Variants in NTNG2 observed in about 807,000 individuals in gnomAD.
NTNG2 encodes netrin G2.
NTNG2 carries 15 observed loss-of-function variants against 47.6 expected under a neutral mutation model. The observed-to-expected ratio is 0.32, with a 90% CI of 0.21 to 0.49. The LOEUF is 0.49. Among genes scored for constraint, NTNG2 ranks in the 20% least tolerant of loss-of-function variants. The pLI is 0.99. For synonymous variants in NTNG2, 307 were observed against 324.6 expected (o/e 0.95, Z 0.58); for missense variants, 578 against 764.6 (o/e 0.76, Z 2.88).
chr9:132,221,719 G>A lies in NTNG2; in HGVS notation c.858-5130G>A, dbSNP rs1271785896. Among the ~76,000 whole-genome samples, 2 of 152,196 alleles carry A rather than the reference G, an allele frequency of 1.3e-5. No homozygotes were observed. Among genetic ancestry groups the A allele is most frequent in the African/African-American group, 4.8e-5 (2 of 41,436 alleles). Reference sequence around the variant, plus strand: ...AGCCTGGGCAGAGCCAGCTGGGGAGGGACGTCTGGATTTGGGTCAGGAGAA... The same window carrying A: ...AGCCTGGGCAGAGCCAGCTGGGGAGAGACGTCTGGATTTGGGTCAGGAGAA... On this transcript the variant is annotated intron_variant, in intron 3 of 7. Coordinates refer to ENST00000393229, the MANE Select transcript of NTNG2 (RefSeq NM_032536.4). The surrounding 1 kb of genome is among the most constrained non-coding windows in gnomAD (Gnocchi z 4.2).
In NTNG2 at chr9:132,169,702, T is replaced by C. The variant is rs1326124698; in HGVS notation, c.213+2658T>C. On this transcript the variant is annotated intron_variant, in intron 2 of 7. Coordinates refer to ENST00000393229, the MANE Select transcript of NTNG2 (RefSeq NM_032536.4). ...CAGTAGAAACCATAATGTAGGAGTG[T>C]CACGGTGCTGGCGGGACGGCACAGC... Among the ~76,000 whole-genome samples the C allele has an allele frequency of 2.0e-5, 3 of 152,198 alleles. No homozygotes were observed. The East Asian group carries it at 5.8e-4, about 29-fold the overall frequency.
chr9:132,228,510 T>C (rs1019418264), intron 4 of NTNG2, among the ~76,000 whole-genome samples: 2 of 151,026 alleles, frequency 1.3e-5, no homozygotes, highest in African/African-American at 2.4e-5. Context: ...TGAGGGCCGC[T>C]CTCTCTTCCC....
chr9:132,201,920 T>G (rs1018361975), intron 3 of NTNG2, among the ~76,000 whole-genome samples: 13 of 152,086 alleles, frequency 8.5e-5, no homozygotes. Context: ...TGTTTTCAGA[T>G]GAAGAAGCCA....
rs1840765431 is a variant in NTNG2, at chr9:132,226,476, A to T, written c.858-373A>T. On this transcript the variant is annotated intron_variant, in intron 3 of 7. Transcript: ENST00000393229. This position sits in a 1 kb window ranked among gnomAD's most constrained non-coding sequence, Gnocchi z 4.8. Reference sequence around the variant, plus strand: ...CCAGGTGCTGGCAGCAGCCTCTGTCACCCATCAACCCACATCAGTCAAAGG... The same window carrying T: ...CCAGGTGCTGGCAGCAGCCTCTGTCTCCCATCAACCCACATCAGTCAAAGG... 6.6e-6 allele frequency among the ~76,000 whole-genome samples: 1 copy of T among 152,160 alleles called. No individual in the cohort carries two copies. The highest frequency in any genetic ancestry group is 2.4e-5 in the African/African-American group (1 of 41,410).
chr9:132,180,903 GCA>G lies in NTNG2; in HGVS notation c.213+13872_213+13873del, dbSNP rs371583453. 1.2e-4 allele frequency among the ~76,000 whole-genome samples: 18 copies of G among 151,910 alleles called. No homozygotes were observed. The highest frequency in any genetic ancestry group is 4.6e-4 in the Admixed American group (7 of 15,264). On this transcript the variant is annotated intron_variant, in intron 2 of 7. Transcript: ENST00000393229. The surrounding 1 kb of genome is among the most constrained non-coding windows in gnomAD (Gnocchi z 4.2). ...GTGCAAACACTGGGCTCATGCACAG[GCA>G]CACACACACACATATAAGGTTGCAA... is the stretch of plus-strand genomic sequence containing the variant.
chr9:132,223,860 GTCAAAGGCTT>G (rs1006238757), intron 3 of NTNG2, among the ~76,000 whole-genome samples: 1 of 152,180 alleles, frequency 6.6e-6, no homozygotes, highest in African/African-American at 2.4e-5. Context: ...CGCCTAACCA[GTCAAAGGCTT>G]GCAGAGTAAA....
chr9:132,165,368 G>A (rs771401037), intron 1 of NTNG2, among the ~76,000 whole-genome samples: 26 of 152,186 alleles, frequency 1.7e-4, no homozygotes, highest in Non-Finnish European at 2.8e-4. Context: ...AGCAATAATC[G>A]TAATTGTAAC....
rs1390873087 is a variant in NTNG2 at position 132,243,891 on chromosome 9, A to G, written c.*1780A>G. On this transcript the variant is annotated 3_prime_UTR_variant, in exon 8 of 8. Coordinates refer to ENST00000393229, the MANE Select transcript of NTNG2 (RefSeq NM_032536.4). Reference sequence around the variant, plus strand: ...TGCTCCCACCCCCAGCACCCTGCTGACCCGGAAGTGCCTTCCGACAGGCCC... The same window carrying G: ...TGCTCCCACCCCCAGCACCCTGCTGGCCCGGAAGTGCCTTCCGACAGGCCC... 2 of 152,620 alleles carry G rather than the reference A, an allele frequency of 1.3e-5. No homozygotes were observed. The highest frequency in any genetic ancestry group is 2.9e-5 in the Non-Finnish European group (2 of 68,270). 9.5% of individuals were successfully genotyped at this position (152,620 alleles called of 1,614,324 possible). A position where few individuals can be genotyped will look rare whatever the true frequency, so the allele number is the denominator to read the frequency against.
intron 3 of NTNG2, among the ~76,000 whole-genome samples, chr9:132,207,521 G>A (rs532625620): frequency 7.2e-5 from 11 of 152,270 alleles, no homozygotes; most frequent in East Asian, 1.9e-4. Context: ...CAATCACATC[G>A]GATAAGGGCC....
intron 5 of NTNG2, among the ~76,000 whole-genome samples, chr9:132,237,392 C>T (rs1025036907): frequency 3.3e-5 from 5 of 152,190 alleles, no homozygotes; most frequent in African/African-American, 7.2e-5. Flanking sequence ...CCATGACAGA[C>T]GAAAGAACCT....
In NTNG2 at chr9:132,198,334, C is replaced by G. The variant is rs765732125; in HGVS notation, c.582C>G (p.Leu194=). 6.2e-6 allele frequency: 10 copies of G among 1,612,736 alleles called. No homozygotes were observed. The East Asian group carries it at 2.0e-4, about 32-fold the overall frequency. The change falls in exon 3 of 8, where the codon CTC becomes CTG. Residue 194 remains leucine, a synonymous_variant. Coordinates refer to ENST00000393229, the MANE Select transcript of NTNG2 (RefSeq NM_032536.4). ...CATCCTCCAGCGCGCACCGCGTGCT[C>G]TGCACCGAGGAGTACTCGCGCTGGG... ...DMSSSSAHRV[L]CTEEYSRWAG... is the part of the protein sequence containing the mutation.
At chr9:132,233,600 G>A (rs1167319664) in intron 5 of NTNG2, 1 of 152,170 alleles carries the variant, frequency 6.6e-6, no homozygotes, top group Admixed American at 6.5e-5. Context: ...TGGCTCCAAT[G>A]TGACAGCCAG....
intron 3 of NTNG2, among the ~76,000 whole-genome samples, chr9:132,207,869 T>A (rs1489239625): frequency 6.6e-6 from 1 of 152,144 alleles, no homozygotes; most frequent in Non-Finnish European, 1.5e-5. Flanking sequence ...TTTGGGAGGC[T>A]GAGGCTGGCG....
At chr9:132,205,081 A>G (rs764535959) in intron 3 of NTNG2, among the ~76,000 whole-genome samples, 6 of 152,218 alleles carry the variant, frequency 3.9e-5, no homozygotes, top group Non-Finnish European at 7.3e-5. Flanking sequence ...TGAACAAGTT[A>G]CATGTAGATT....
rs1840754645 is a variant in NTNG2, at chr9:132,226,330, G to A, written c.858-519G>A. ...ACTGACGGGGGTGTGGGAGTTGGGG[G>A]TTCTATCTGTTGCCCTCAAGGGCGT... On this transcript the variant is annotated intron_variant, in intron 3 of 7. Coordinates refer to ENST00000393229, the MANE Select transcript of NTNG2 (RefSeq NM_032536.4). This position sits in a 1 kb window ranked among gnomAD's most constrained non-coding sequence, Gnocchi z 4.8. Among the ~76,000 whole-genome samples, 1 of 152,222 alleles carries A rather than the reference G, an allele frequency of 6.6e-6. No individual in the cohort carries two copies.
rs1842032102 is a variant in NTNG2, at chr9:132,242,146, C to T, written c.*35C>T. On this transcript the variant is annotated 3_prime_UTR_variant, in exon 8 of 8. Transcript: ENST00000393229. This position sits in a 1 kb window ranked among gnomAD's most constrained non-coding sequence, Gnocchi z 5.9. ...GGAGGACGCTCCCCGCACCCGGAGGCCGGGGGTCCCGGGGTCCCGGGGCGG... is the reference window on the plus strand; with the variant it reads ...GGAGGACGCTCCCCGCACCCGGAGGTCGGGGGTCCCGGGGTCCCGGGGCGG... 3.0e-6 allele frequency: 3 copies of T among 1,012,662 alleles called. No individual in the cohort carries two copies. The highest frequency in any genetic ancestry group is 5.2e-5 in the Admixed American group (1 of 19,226). The allele number at this position is 1,012,662 out of a possible 1,614,324, so 62.7% of individuals were successfully genotyped here. A position where few individuals can be genotyped will look rare whatever the true frequency, so the allele number is the denominator to read the frequency against.
At chr9:132,209,701 G>A (rs1246457806) in intron 3 of NTNG2, among the ~76,000 whole-genome samples, 1 of 152,128 alleles carries the variant, frequency 6.6e-6, no homozygotes, top group Non-Finnish European at 1.5e-5. Flanking sequence ...TTTCAGGGGT[G>A]AATGCCAACA....
chr9:132,229,768 C>T (rs1841058865), intron 4 of NTNG2, among the ~76,000 whole-genome samples: 1 of 152,204 alleles, frequency 6.6e-6, no homozygotes, highest in Non-Finnish European at 1.5e-5. Flanking sequence ...GCCCATGGGC[C>T]ACACATCCCA....
Position 132,197,716 on chromosome 9 carries a change from T to A in NTNG2, c.214-250T>A, listed in dbSNP as rs1228273987. On this transcript the variant is annotated intron_variant, in intron 2 of 7. Coordinates refer to ENST00000393229, the MANE Select transcript of NTNG2 (RefSeq NM_032536.4). The surrounding 1 kb of genome is among the most constrained non-coding windows in gnomAD (Gnocchi z 4.3). ...AAAGCAGGGGACTAACACCCAGCCT[T>A]CTTGGTTGTCTGTATTTAGAGCAAG... is the stretch of plus-strand genomic sequence containing the variant. Among the ~76,000 whole-genome samples the A allele has an allele frequency of 6.6e-6, 1 of 152,170 alleles. No homozygotes were observed. Among genetic ancestry groups the A allele is most frequent in the Non-Finnish European group, 1.5e-5 (1 of 68,044 alleles).
Sources: gnomAD v4.1 joint callset for allele counts (sites outside exome capture counted in the v4.1 genomes callset) on GRCh38, gnomAD v4.1.1 for gene constraint, Gnocchi (gnomAD v3.1) non-coding constraint, MANE v1.5 for transcripts, NCBI Gene and HGNC (gene_info 2026-07-23, HGNC 2026-07-21) for gene names.